Variants in PTPN13 observed in about 807,000 individuals in gnomAD.
The protein encoded by PTPN13 is protein tyrosine phosphatase non-receptor type 13.
PTPN13 carries 191 observed loss-of-function variants against 284.0 expected under a neutral mutation model. The observed-to-expected ratio is 0.67, with a 90% CI of 0.60 to 0.76. The LOEUF (loss-of-function observed/expected upper bound fraction) is 0.76, where lower values mean the gene tolerates loss of function less well. Among genes scored for constraint, PTPN13 ranks in the 30% least tolerant of loss-of-function variants. The pLI is 0.00. For synonymous variants in PTPN13, 986 were observed against 1,022.3 expected (o/e 0.96, Z 0.68); for missense variants, 2,797 against 2,939.9 (o/e 0.95, Z 1.12).
chr4:86,780,563 A>G, intron 36 of PTPN13, 91 bp downstream of exon 36: 4 of 852,196 alleles, frequency 4.7e-6, no homozygotes, highest in Non-Finnish European at 7.8e-6. Context: ...ACAATTTCTT[A>G]AAAATTATAA....
chr4:86,635,152 CAG>C (rs1722871454), intron 1 of PTPN13, 98 bp from the exon 2 acceptor site: 4 of 1,247,878 alleles, frequency 3.2e-6, no homozygotes, highest in South Asian at 1.5e-5. Context: ...ATTAGGTAGA[CAG>C]GGGGCTTATA....
At position 86,803,103 on chromosome 4, in the gene PTPN13, TATAAA is replaced by T. The variant is rs971429589; in HGVS notation, c.6506-595_6506-591del. ...GTGTGTGTGTGTGTGTGTGTGTGTG[TATAAA>T]ATAAAATAAAGACCTTCTTAGCCAG... On this transcript the variant is annotated intron_variant, in intron 42 of 47. Transcript: ENST00000411767. 8.8e-4 allele frequency among the ~76,000 whole-genome samples: 133 copies of T among 150,600 alleles called. 1 individual carries two copies. Among genetic ancestry groups the T allele is most frequent in the African/African-American group, 3.1e-3 (127 of 40,906 alleles).
chr4:86,799,094 T>C lies in PTPN13; in HGVS notation c.6402-7T>C. The C allele has an allele frequency of 6.6e-7, 1 of 1,526,494 alleles. No homozygotes were observed. Among genetic ancestry groups the C allele is most frequent in the Non-Finnish European group, 8.8e-7 (1 of 1,132,420 alleles). 94.6% of individuals were successfully genotyped at this position (1,526,494 alleles called of 1,614,324 possible). On this transcript the variant is annotated splice_polypyrimidine_tract_variant and splice_region_variant and intron_variant, in intron 41 of 47. Coordinates refer to ENST00000411767, the MANE Select transcript of PTPN13 (RefSeq NM_080683.3). ...GAAAATGTTTCAAATATGTTTTGTT[T>C]TCATAGCTTAATTCAGAAGCCACAA...
chr4:86,655,556 G>A (rs897478181), intron 2 of PTPN13, among the ~76,000 whole-genome samples: 1 of 152,186 alleles, frequency 6.6e-6, no homozygotes, highest in Non-Finnish European at 1.5e-5. Context: ...CTTTAAGAAT[G>A]TTGAATATTG....
chr4:86,739,559 T>A (rs28846151), intron 15 of PTPN13, among the ~76,000 whole-genome samples: 12,433 of 152,130 alleles, frequency 0.082, 645 homozygotes, highest in Non-Finnish European at 0.11. Context: ...GGTCCCTCCT[T>A]CAACATGTGG....
At chr4:86,751,433 C>A (rs1395916872) in intron 19 of PTPN13, among the ~76,000 whole-genome samples, 1 of 152,138 alleles carries the variant, frequency 6.6e-6, no homozygotes, top group Non-Finnish European at 1.5e-5. Context: ...GTGATCCCCC[C>A]ACCTCAGCCT....
At chr4:86,624,408 T>C (rs1721602923) in intron 1 of PTPN13, among the ~76,000 whole-genome samples, 1 of 152,152 alleles carries the variant, frequency 6.6e-6, no homozygotes, top group Non-Finnish European at 1.5e-5. Flanking sequence ...TGATATATGA[T>C]TCTATAGTAC....
chr4:86,805,228 T>C, intron 43 of PTPN13, 51 bp from the exon 44 acceptor site: 2 of 1,222,742 alleles, frequency 1.6e-6, no homozygotes, highest in Non-Finnish European at 2.3e-6. Context: ...TTGAAGTTAT[T>C]ACTGAATTAC....
chr4:86,728,787 CTT>C (rs1734618403), intron 10 of PTPN13, among the ~76,000 whole-genome samples: 1 of 145,420 alleles, frequency 6.9e-6, no homozygotes, highest in Non-Finnish European at 1.5e-5. Flanking sequence ...AGTCTTGACT[CTT>C]TATCCAATTT....
intron 1 of PTPN13, among the ~76,000 whole-genome samples, chr4:86,618,554 C>T (rs1442914657): frequency 6.6e-6 from 1 of 152,192 alleles, no homozygotes; most frequent in Non-Finnish European, 1.5e-5. Flanking sequence ...TCTTCCTACC[C>T]ATGAGCATAG....
intron 1 of PTPN13, among the ~76,000 whole-genome samples, chr4:86,608,704 G>A (rs1285566293): frequency 1.3e-5 from 2 of 152,204 alleles, no homozygotes; most frequent in East Asian, 1.9e-4. Context: ...ATCTGGTTCC[G>A]AAGCCTGTGT....
At chr4:86,623,094 A>T (rs1263004411) in intron 1 of PTPN13, among the ~76,000 whole-genome samples, 1 of 152,112 alleles carries the variant, frequency 6.6e-6, no homozygotes, top group South Asian at 2.1e-4. Context: ...TGGGAGCTCA[A>T]TGTCTCAATG....
At position 86,725,674 on chromosome 4, in the gene PTPN13, T is replaced by C. The variant is rs1248325084; in HGVS notation, c.1608+3240T>C. On this transcript the variant is annotated intron_variant, in intron 10 of 47. Transcript: ENST00000411767. ...GTTTTTCAGTGGGGTTGTTTGTTTG[T>C]TTCTTGTAAATTTGTTGAAGTTCTT... is the stretch of plus-strand genomic sequence containing the variant. Among the ~76,000 whole-genome samples, 3 of 149,714 alleles carry C rather than the reference T, an allele frequency of 2.0e-5. 1 individual carries two copies. The highest frequency in any genetic ancestry group is 3.0e-5 in the Non-Finnish European group (2 of 66,698).
At chr4:86,710,733 T>C (rs1732296820) in intron 7 of PTPN13, among the ~76,000 whole-genome samples, 1 of 152,110 alleles carries the variant, frequency 6.6e-6, no homozygotes, top group Non-Finnish European at 1.5e-5. Flanking sequence ...TATAATAGAG[T>C]CACTGTGAAT....
intron 7 of PTPN13, among the ~76,000 whole-genome samples, chr4:86,709,092 C>A (rs867770786): frequency 2.0e-5 from 3 of 152,054 alleles, no homozygotes; most frequent in Admixed American, 6.6e-5. Flanking sequence ...CACACAAACA[C>A]ACACTTGTGT....
chr4:86,772,381 C>T (rs1044727762), intron 31 of PTPN13, among the ~76,000 whole-genome samples: 1 of 151,966 alleles, frequency 6.6e-6, no homozygotes, highest in African/African-American at 2.4e-5. Flanking sequence ...TGGCAAAATC[C>T]CATCTCTACT....
intron 10 of PTPN13, among the ~76,000 whole-genome samples, chr4:86,728,432 T>A (rs1297636890): frequency 6.7e-6 from 1 of 148,584 alleles, no homozygotes; most frequent in Non-Finnish European, 1.5e-5. Context: ...TCTCCCATTA[T>A]TATTGTGTGG....
chr4:86,596,950 C>A (rs774959419), intron 1 of PTPN13, among the ~76,000 whole-genome samples: 32 of 152,190 alleles, frequency 2.1e-4, no homozygotes, highest in Non-Finnish European at 4.0e-4. Context: ...TTAGTAGTTA[C>A]TCCTGTCAAC....
chr4:86,769,322 C>T (rs1272983447), intron 28 of PTPN13, among the ~76,000 whole-genome samples: 2 of 151,888 alleles, frequency 1.3e-5, no homozygotes, highest in African/African-American at 2.4e-5. Context: ...TGTCTGTTAT[C>T]GTACTCTGTT....
Sources: gnomAD v4.1 joint callset for allele counts (sites outside exome capture counted in the v4.1 genomes callset) on GRCh38, gnomAD v4.1.1 for gene constraint, MANE v1.5 for transcripts, NCBI Gene and HGNC (gene_info 2026-07-23, HGNC 2026-07-21) for gene names.